Variants in PPFIA2 observed in about 807,000 individuals in gnomAD.
PPFIA2 encodes liprin-alpha-2.
In PPFIA2, 46 loss-of-function variants were observed where a neutral mutation model predicts 175.5. The observed-to-expected ratio is 0.26, with a 90% CI of 0.21 to 0.34. The LOEUF is 0.34. Among genes scored for constraint, PPFIA2 ranks in the 10% least tolerant of loss-of-function variants. PPFIA2 has a pLI of 1.00. For synonymous variants in PPFIA2, 568 were observed against 511.4 expected, an observed-to-expected ratio of 1.11 and a Z score of -1.49; for missense variants, 1,179 against 1,506.1, an observed-to-expected ratio of 0.78 and a Z score of 3.60.
chr12:81,649,340 A>T (rs563574572), intron 4 of PPFIA2, among the ~76,000 whole-genome samples: 1 of 152,296 alleles, frequency 6.6e-6, no homozygotes, highest in South Asian at 2.1e-4. Context: ...ATTACTTAAC[A>T]AGAAATGGAA....
At chr12:81,656,940 T>G (rs192282012) in intron 4 of PPFIA2, among the ~76,000 whole-genome samples, 35 of 152,162 alleles carry the variant, frequency 2.3e-4, no homozygotes, top group African/African-American at 8.4e-4. Context: ...TAGATTTTAA[T>G]TGTAAGTAAT....
Position 81,749,580 on chromosome 12 carries a change from A to AT in PPFIA2, c.249+4392dup, listed in dbSNP as rs1478734975. Among the ~76,000 whole-genome samples, 2 of 144,344 alleles carry AT rather than the reference A, an allele frequency of 1.4e-5. 1 individual carries two copies. The highest frequency in any genetic ancestry group is 4.9e-5 in the African/African-American group (2 of 41,092). The allele number at this position is 144,344 out of a possible 152,430, so 94.7% of individuals were successfully genotyped here. On this transcript the variant is annotated intron_variant, in intron 3 of 32. Transcript: ENST00000549396. ...CCCATTCTCAAAAATGTGTAGGATTATTTTGTCAATATTCCTAGTAAATTA... is the reference window on the plus strand; with the variant it reads ...CCCATTCTCAAAAATGTGTAGGATTATTTTTGTCAATATTCCTAGTAAATTA...
At chr12:81,755,709 G>A (rs935960742) in intron 2 of PPFIA2, among the ~76,000 whole-genome samples, 1 of 152,018 alleles carries the variant, frequency 6.6e-6, no homozygotes, top group Non-Finnish European at 1.5e-5. Context: ...AAAATTAAGG[G>A]GGTCATTGAA....
At chr12:81,349,195 A>G (rs1462491026) in intron 17 of PPFIA2, among the ~76,000 whole-genome samples, 1 of 152,126 alleles carries the variant, frequency 6.6e-6, no homozygotes, top group African/African-American at 2.4e-5. Flanking sequence ...TCAGTTTTTA[A>G]GTAGTATGTG....
At chr12:81,415,009 T>A (rs1399274996) in intron 7 of PPFIA2, among the ~76,000 whole-genome samples, 3 of 149,662 alleles carry the variant, frequency 2.0e-5, no homozygotes, top group Admixed American at 6.7e-5. Flanking sequence ...CAACTTCATG[T>A]AGTCTGTGCA....
At chr12:81,549,014 G>A (rs2153364722) in intron 4 of PPFIA2, among the ~76,000 whole-genome samples, 1 of 152,156 alleles carries the variant, frequency 6.6e-6, no homozygotes, top group South Asian at 2.1e-4. Context: ...ATATAAGGAA[G>A]CTTAGTTTCC....
At chr12:81,429,765 A>G (rs1488640729) in intron 7 of PPFIA2, among the ~76,000 whole-genome samples, 1 of 152,068 alleles carries the variant, frequency 6.6e-6, no homozygotes, top group East Asian at 1.9e-4. Flanking sequence ...ATAACTTTAT[A>G]GATTTAAATA....
At chr12:81,306,541 GTTTTTTTT>G in intron 22 of PPFIA2, among the ~76,000 whole-genome samples, 1 of 107,194 alleles carries the variant, frequency 9.3e-6, no homozygotes, top group South Asian at 3.1e-4. Flanking sequence ...TTGTTTCGTT[GTTTTTTTT>G]TTTTTTTTTT....
intron 3 of PPFIA2, among the ~76,000 whole-genome samples, chr12:81,685,927 C>G (rs2074369116): frequency 6.6e-6 from 1 of 152,032 alleles, no homozygotes; most frequent in Admixed American, 6.6e-5. Context: ...TCGTAACTCT[C>G]TTAGCCATTA....
intron 22 of PPFIA2, among the ~76,000 whole-genome samples, chr12:81,304,796 C>T (rs1255089620): frequency 6.6e-6 from 1 of 151,932 alleles, no homozygotes; most frequent in Admixed American, 6.6e-5. Context: ...ACATGTTGGG[C>T]TTTGGGAGCT....
At chr12:81,628,160 T>C (rs758666356) in intron 4 of PPFIA2, among the ~76,000 whole-genome samples, 1 of 152,162 alleles carries the variant, frequency 6.6e-6, no homozygotes, top group Non-Finnish European at 1.5e-5. Context: ...TAAGATATCA[T>C]AAGATGATTT....
chr12:81,351,201 A>AT (rs1165597841), intron 17 of PPFIA2, among the ~76,000 whole-genome samples: 2 of 152,126 alleles, frequency 1.3e-5, no homozygotes, highest in African/African-American at 4.8e-5. Context: ...GCAACAGTAC[A>AT]TTTTTTTCAT....
At chr12:81,672,969 T>C (rs529471404) in intron 4 of PPFIA2, among the ~76,000 whole-genome samples, 90 of 152,054 alleles carry the variant, frequency 5.9e-4, no homozygotes, top group African/African-American at 2.0e-3. Context: ...TCAAAATATT[T>C]TCCTAAACCA....
At chr12:81,464,470 T>G (rs1476834405) in intron 4 of PPFIA2, among the ~76,000 whole-genome samples, 1 of 152,136 alleles carries the variant, frequency 6.6e-6, no homozygotes, top group East Asian at 1.9e-4. Flanking sequence ...GTGGTTTCAC[T>G]CTTTTGTGCT....
chr12:81,667,664 T>A (rs1384529109), intron 4 of PPFIA2, among the ~76,000 whole-genome samples: 1 of 152,078 alleles, frequency 6.6e-6, no homozygotes, highest in African/African-American at 2.4e-5. Context: ...GGCTTTGTCA[T>A]ATATTCCCTC....
chr12:81,307,097 T>C (rs538582287), intron 22 of PPFIA2, among the ~76,000 whole-genome samples: 37 of 152,274 alleles, frequency 2.4e-4, no homozygotes, highest in Non-Finnish European at 7.4e-5. Flanking sequence ...TCAACAACCT[T>C]GTGTTTACTT....
Position 81,713,152 on chromosome 12 carries a change from TAAA to T in PPFIA2, c.250-36311_250-36309del, listed in dbSNP as rs139745209. ...AGTACAAAATTATTAGAAAATATGA[TAAA>T]TAATAATACAGCTTTTTTGGGGGGG... On this transcript the variant is annotated intron_variant, in intron 3 of 32. Coordinates refer to ENST00000549396, the MANE Select transcript of PPFIA2 (RefSeq NM_003625.5). Among the ~76,000 whole-genome samples, 586 of 151,344 alleles carry T rather than the reference TAAA, an allele frequency of 3.9e-3. 8 individuals are homozygous for T. Among genetic ancestry groups the T allele is most frequent in the African/African-American group, 0.013 (560 of 41,482 alleles).
At chr12:81,725,795 T>C (rs1324763231) in intron 3 of PPFIA2, among the ~76,000 whole-genome samples, 1 of 150,538 alleles carries the variant, frequency 6.6e-6, no homozygotes, top group East Asian at 2.0e-4. Context: ...AATGGAAGCA[T>C]AAAGTAAAAA....
intron 9 of PPFIA2, among the ~76,000 whole-genome samples, chr12:81,381,458 G>A (rs1356174891): frequency 1.3e-5 from 2 of 152,106 alleles, no homozygotes; most frequent in African/African-American, 2.4e-5. Flanking sequence ...ACCTGTAAGT[G>A]ATGCTGGATT....
Sources: gnomAD v4.1 joint callset for allele counts (sites outside exome capture counted in the v4.1 genomes callset) on GRCh38, gnomAD v4.1.1 for gene constraint, MANE v1.5 for transcripts, NCBI Gene and HGNC (gene_info 2026-07-23, HGNC 2026-07-21) for gene names.